FBXO34: variants seen among roughly 807,000 people sequenced by gnomAD.
The protein encoded by FBXO34 is F-box only protein 34.
FBXO34 carries 12 observed loss-of-function variants against 24.5 expected under a neutral mutation model. That is an observed-to-expected ratio of 0.49 (90% confidence interval 0.31 to 0.79). FBXO34 has a LOEUF of 0.79. Among genes scored for constraint, FBXO34 ranks in the 30% least tolerant of loss-of-function variants. The probability of loss-of-function intolerance (pLI) is 0.04; values close to 1 mark genes in which losing one functional copy is unlikely to be tolerated. For synonymous variants in FBXO34, 320 were observed against 311.9 expected, an observed-to-expected ratio of 1.03 and a Z score of -0.27; for missense variants, 823 against 857.7, an observed-to-expected ratio of 0.96 and a Z score of 0.51.
the FBXO34 span, among the ~76,000 whole-genome samples, chr14:55,403,306 T>C: frequency 6.6e-6 from 1 of 152,046 alleles, no homozygotes; most frequent in Non-Finnish European, 1.5e-5. Flanking sequence ...AATCTTACCA[T>C]GCATTAAACT....
At chr14:55,438,265 C>G in the FBXO34 span, among the ~76,000 whole-genome samples, 1 of 152,206 alleles carries the variant, frequency 6.6e-6, no homozygotes, top group Non-Finnish European at 1.5e-5. Context: ...TCTGTTACTA[C>G]AAGTCCAGCA....
At chr14:55,380,601 C>T in the FBXO34 span, 1 of 1,612,224 alleles carries the variant, frequency 6.2e-7, no homozygotes, top group Non-Finnish European at 8.5e-7. Context: ...GGAAGATTTA[C>T]ATCAAGTATA....
the FBXO34 span, chr14:55,411,655 G>C: frequency 6.2e-7 from 1 of 1,613,522 alleles, no homozygotes; most frequent in Non-Finnish European, 8.5e-7. Flanking sequence ...GAACGCATTT[G>C]GCGCAGGTCA....
At chr14:55,387,898 G>A in the FBXO34 span, among the ~76,000 whole-genome samples, 7 of 152,144 alleles carry the variant, frequency 4.6e-5, no homozygotes, top group Non-Finnish European at 8.8e-5. Flanking sequence ...TGACCTCAAT[G>A]TGATCCGCCC....
chr14:55,384,090 C>G, the FBXO34 span, among the ~76,000 whole-genome samples: 1 of 152,186 alleles, frequency 6.6e-6, no homozygotes, highest in Non-Finnish European at 1.5e-5. Context: ...CTGCGTCTCC[C>G]TTCTCCCACA....
Position 55,324,486 on chromosome 14 carries a change from T to C in FBXO34, c.-10-25895T>C, listed in dbSNP as rs920297725. Among the ~76,000 whole-genome samples, 20 of 152,078 alleles carry C rather than the reference T, an allele frequency of 1.3e-4. 1 individual carries two copies. The highest frequency in any genetic ancestry group is 4.4e-5 in the Non-Finnish European group (3 of 68,012). ...CGTGTGGCAGTTCTTTAAGTTTTTT[T>C]TTTTTAATGTTGATGTTTTATCTCT... On this transcript the variant is annotated intron_variant, in intron 1 of 1. Transcript: ENST00000313833.
chr14:55,307,368 G>A (rs1054166420), intron 1 of FBXO34, among the ~76,000 whole-genome samples: 3 of 152,240 alleles, frequency 2.0e-5, no homozygotes, highest in African/African-American at 7.2e-5. Flanking sequence ...AATTCTTTTC[G>A]TGGAGGCAAG....
In FBXO34 at chr14:55,345,844, A is replaced by T. The variant is rs118015458; in HGVS notation, c.-10-4537A>T. Among the ~76,000 whole-genome samples the T allele has an allele frequency of 7.1e-3, 1,085 of 152,090 alleles. 19 individuals carry two copies. The highest frequency in any genetic ancestry group is 0.057 in the East Asian group (292 of 5,168). ...TAGTGAGACCCTGTCTCTACAAAAA[A>T]TTTTTAAAAAGATTAGCTGGCCATT... On this transcript the variant is annotated intron_variant, in intron 1 of 1. Transcript: ENST00000313833.
downstream of FBXO34, among the ~76,000 whole-genome samples, chr14:55,370,311 C>T (rs1306705970): frequency 1.3e-5 from 2 of 152,154 alleles, no homozygotes; most frequent in African/African-American, 2.4e-5. Flanking sequence ...CAAAAAGCCA[C>T]TTGATGTATA....
Position 55,352,109 on chromosome 14 carries a change from G to T in FBXO34, c.1719G>T (p.Gln573His). Residue 573 changes from glutamine (Q) to histidine (H), a missense_variant, in exon 2 of 2, where the codon CAG becomes CAT. By Grantham distance (24) the Gln-to-His change is conservative. Transcript: ENST00000313833. ...FKIQQLLEPQ[Q>H]YMAFLPHHIM... ...TCCAGCAGCTTTTGGAGCCTCAGCA[G>T]TACATGGCTTTTCTGCCCCACCACA... is the stretch of plus-strand genomic sequence containing the variant. 6.2e-7 allele frequency: 1 copy of T among 1,614,198 alleles called. No homozygotes were observed. The highest frequency in any genetic ancestry group is 8.5e-7 in the Non-Finnish European group (1 of 1,180,046).
At chr14:55,341,066 G>T (rs1325257231) in intron 1 of FBXO34, among the ~76,000 whole-genome samples, 1 of 152,176 alleles carries the variant, frequency 6.6e-6, no homozygotes, top group East Asian at 1.9e-4. Context: ...GGACCATCGC[G>T]ATAAGTATAG....
chr14:55,292,218 T>G (rs1393051226), intron 1 of FBXO34, among the ~76,000 whole-genome samples: 1 of 152,220 alleles, frequency 6.6e-6, no homozygotes, highest in South Asian at 2.1e-4. Flanking sequence ...ATGATATGTA[T>G]TCTGCTTAAA....
chr14:55,437,887 A>G, the FBXO34 span, among the ~76,000 whole-genome samples: 166 of 152,354 alleles, frequency 1.1e-3, no homozygotes, highest in African/African-American at 3.9e-3. Context: ...TTACACTAGG[A>G]AAAAAGTTAT....
At chr14:55,355,924 C>T (rs1884516176), downstream of FBXO34, among the ~76,000 whole-genome samples, 1 of 152,182 alleles carries the variant, frequency 6.6e-6, no homozygotes, top group Non-Finnish European at 1.5e-5. Flanking sequence ...AGGACCTTGT[C>T]CTCTGGCCAT....
the FBXO34 span, among the ~76,000 whole-genome samples, chr14:55,397,673 A>T: frequency 6.6e-6 from 1 of 152,228 alleles, no homozygotes; most frequent in South Asian, 2.1e-4. Context: ...ATGTCTATAG[A>T]TATCTTCCGC....
chr14:55,406,061 T>C, the FBXO34 span, among the ~76,000 whole-genome samples: 1 of 152,206 alleles, frequency 6.6e-6, no homozygotes, highest in African/African-American at 2.4e-5. Context: ...ATTTCTCAAC[T>C]AATCTGCCAA....
the FBXO34 span, among the ~76,000 whole-genome samples, chr14:55,420,911 A>T: frequency 2.6e-5 from 4 of 152,164 alleles, no homozygotes; most frequent in Admixed American, 6.5e-5. Flanking sequence ...TACAAAAAAA[A>T]TTAGCTGGGC....
chr14:55,286,883 G>A (rs1313612961), intron 1 of FBXO34, among the ~76,000 whole-genome samples: 1 of 151,204 alleles, frequency 6.6e-6, no homozygotes, highest in African/African-American at 2.4e-5. Flanking sequence ...ATTGAAACAC[G>A]GAATTCATTT....
chr14:55,412,462 T>TA, the FBXO34 span, among the ~76,000 whole-genome samples: 1 of 152,192 alleles, frequency 6.6e-6, no homozygotes, highest in East Asian at 1.9e-4. Context: ...TCTGAAAAGT[T>TA]AATCACGTGG....
Sources: gnomAD v4.1 joint callset for allele counts (sites outside exome capture counted in the v4.1 genomes callset) on GRCh38, gnomAD v4.1.1 for gene constraint, MANE v1.5 for transcripts, NCBI Gene and HGNC (gene_info 2026-07-23, HGNC 2026-07-21) for gene names.